The following NKAIN3 variants were observed in gnomAD, a reference collection of about 807,000 sequenced individuals.
NKAIN3 encodes the protein sodium/potassium-transporting ATPase subunit beta-1-interacting protein 3.
NKAIN3 carries 25 observed loss-of-function variants against 30.2 expected under a neutral mutation model. The ratio of observed to expected loss-of-function variants is 0.83; its 90% CI spans 0.60 to 1.16. The LOEUF (loss-of-function observed/expected upper bound fraction) is 1.16, where lower values mean the gene tolerates loss of function less well. Ranked by LOEUF, NKAIN3 falls within the 50% of genes most tolerant of loss-of-function variation. The probability of loss-of-function intolerance (pLI) is 0.00; values close to 1 mark genes in which losing one functional copy is unlikely to be tolerated. For synonymous variants in NKAIN3, 91 were observed against 89.6 expected, an observed-to-expected ratio of 1.02 and a Z score of -0.09; for missense variants, 225 against 254.1, an observed-to-expected ratio of 0.89 and a Z score of 0.78.
In NKAIN3 at chr8:62,637,367, A is replaced by G. The variant is rs534474671; in HGVS notation, c.273+47573A>G. The stretch of plus-strand genomic sequence containing the variant: ...TTCCTATCTCTGCAAACCTTGCTGG[A>G]CCAGGTGGTTTTGCTCTTTTCTGGC... On this transcript the variant is annotated intron_variant, in intron 3 of 6. Coordinates refer to ENST00000623646, the MANE Select transcript of NKAIN3 (RefSeq NM_001304533.3). 3.3e-5 allele frequency among the ~76,000 whole-genome samples: 5 copies of G among 152,306 alleles called. 1 individual carries two copies. The South Asian group carries it at 1.0e-3, about 32-fold the overall frequency.
At chr8:62,762,206 C>T (rs749163501) in intron 4 of NKAIN3, among the ~76,000 whole-genome samples, 28 of 151,780 alleles carry the variant, frequency 1.8e-4, no homozygotes, top group Non-Finnish European at 3.5e-4. Flanking sequence ...ATCCCAGCTA[C>T]CTGGGAGGCT....
intron 4 of NKAIN3, among the ~76,000 whole-genome samples, chr8:62,833,317 A>G (rs1819255370): frequency 6.6e-6 from 1 of 152,054 alleles, no homozygotes; most frequent in African/African-American, 2.4e-5. Context: ...AAGAAAATGA[A>G]TAACCAAAAT....
At chr8:62,424,603 T>C (rs566944105) in intron 1 of NKAIN3, among the ~76,000 whole-genome samples, 4 of 151,788 alleles carry the variant, frequency 2.6e-5, no homozygotes, top group African/African-American at 9.6e-5. Flanking sequence ...ACAAAAAATA[T>C]TATCTCACAC....
rs372040196 is a variant in NKAIN3 at position 62,521,713 on chromosome 8, TC to T, written c.55-57823del. Among the ~76,000 whole-genome samples, 366 of 152,258 alleles carry T rather than the reference TC, an allele frequency of 2.4e-3. 1 individual carries two copies. The highest frequency in any genetic ancestry group is 0.01 in the Middle Eastern group (3 of 294). Reference sequence around the variant, plus strand: ...GCATCTGGCTCTCTACAATATTGTTTCCCATTTACTTCTGAAGATTCATTAA... The same window carrying T: ...GCATCTGGCTCTCTACAATATTGTTTCCATTTACTTCTGAAGATTCATTAA... On this transcript the variant is annotated intron_variant, in intron 1 of 6. Coordinates refer to ENST00000623646, the MANE Select transcript of NKAIN3 (RefSeq NM_001304533.3).
At chr8:62,918,633 T>C (rs1822179007) in intron 5 of NKAIN3, 120 bp downstream of exon 5, 3 of 710,778 alleles carry the variant, frequency 4.2e-6, no homozygotes, top group Non-Finnish European at 7.2e-6. Context: ...ATGATTGAAC[T>C]CAGCACACTA....
chr8:62,806,093 A>G (rs1818270098), intron 4 of NKAIN3, among the ~76,000 whole-genome samples: 1 of 152,212 alleles, frequency 6.6e-6, no homozygotes, highest in Admixed American at 6.5e-5. Context: ...GCAAATCAAA[A>G]CCACAATGAG....
intron 1 of NKAIN3, among the ~76,000 whole-genome samples, chr8:62,570,209 C>T (rs1809887880): frequency 6.6e-6 from 1 of 152,060 alleles, no homozygotes; most frequent in African/African-American, 2.4e-5. Context: ...TGGGCAGATG[C>T]TTATCCTATA....
At chr8:62,424,817 T>C (rs1016063322) in intron 1 of NKAIN3, among the ~76,000 whole-genome samples, 2 of 151,896 alleles carry the variant, frequency 1.3e-5, no homozygotes, top group African/African-American at 4.8e-5. Flanking sequence ...AGAACTGAAA[T>C]TGGAATCTTG....
In NKAIN3 at chr8:62,784,013, C is replaced by A. The variant is rs937074408; in HGVS notation, c.471+36884C>A. 1.3e-4 allele frequency among the ~76,000 whole-genome samples: 19 copies of A among 151,904 alleles called. 1 individual carries two copies. ...ACAGACCAAATGACAGGCTGTAAAACAAGTCTCAATAAATTTTAAAGGATT... is the reference window on the plus strand; with the variant it reads ...ACAGACCAAATGACAGGCTGTAAAAAAAGTCTCAATAAATTTTAAAGGATT... On this transcript the variant is annotated intron_variant, in intron 4 of 6. Coordinates refer to ENST00000623646, the MANE Select transcript of NKAIN3 (RefSeq NM_001304533.3).
chr8:62,840,885 T>A (rs574873703), intron 4 of NKAIN3, among the ~76,000 whole-genome samples: 6 of 152,106 alleles, frequency 3.9e-5, no homozygotes, highest in Non-Finnish European at 7.4e-5. Flanking sequence ...CAGCAGTGCA[T>A]CATCATGGCA....
intron 1 of NKAIN3, among the ~76,000 whole-genome samples, chr8:62,372,577 A>T (rs773873723): frequency 2.0e-5 from 3 of 152,060 alleles, no homozygotes; most frequent in Non-Finnish European, 4.4e-5. Flanking sequence ...GAAACAATAG[A>T]TGTTATTTAA....
chr8:62,867,741 G>A (rs987798336), intron 4 of NKAIN3, among the ~76,000 whole-genome samples: 15 of 152,036 alleles, frequency 9.9e-5, no homozygotes, highest in Admixed American at 4.6e-4. Context: ...ATAGCCTAGC[G>A]TTTAACCGAT....
intron 4 of NKAIN3, among the ~76,000 whole-genome samples, chr8:62,805,017 A>G (rs1036771125): frequency 2.6e-5 from 4 of 152,328 alleles, no homozygotes; most frequent in African/African-American, 7.2e-5. Flanking sequence ...ACAGACAAAC[A>G]TAGAGCCAAA....
At chr8:62,393,652 G>A (rs1198047340) in intron 1 of NKAIN3, among the ~76,000 whole-genome samples, 1 of 151,876 alleles carries the variant, frequency 6.6e-6, no homozygotes, top group Non-Finnish European at 1.5e-5. Context: ...CTAGGATTTT[G>A]ATTCTGAATG....
At position 62,863,253 on chromosome 8, in the gene NKAIN3, G is replaced by A. The variant is rs1563599498; in HGVS notation, c.472-55200G>A. ...GTTTATTTTTCAGTTTTTTCTTTTT[G>A]TTTTTAGATATTTTTCCTATAGGTT... On this transcript the variant is annotated intron_variant, in intron 4 of 6. Coordinates refer to ENST00000623646, the MANE Select transcript of NKAIN3 (RefSeq NM_001304533.3). 1.9e-6 allele frequency: 3 copies of A among 1,566,470 alleles called. No individual in the cohort carries two copies. The Admixed American group carries it at 5.4e-5, about 28-fold the overall frequency.
chr8:62,816,594 C>T (rs879838128), intron 4 of NKAIN3, among the ~76,000 whole-genome samples: 4 of 152,118 alleles, frequency 2.6e-5, no homozygotes, highest in Non-Finnish European at 5.9e-5. Flanking sequence ...TGGGGGAAGC[C>T]TCCCCACTAT....
At chr8:62,820,054 G>A (rs1469847936) in intron 4 of NKAIN3, among the ~76,000 whole-genome samples, 3 of 152,140 alleles carry the variant, frequency 2.0e-5, no homozygotes. Context: ...TGGGGACAGT[G>A]AGGATATGAA....
intron 3 of NKAIN3, among the ~76,000 whole-genome samples, chr8:62,731,799 C>G (rs1327233909): frequency 6.6e-6 from 1 of 152,158 alleles, no homozygotes; most frequent in Non-Finnish European, 1.5e-5. Flanking sequence ...GAGATCAGAT[C>G]CAGTTTCTTT....
In NKAIN3 at chr8:62,870,366, C is replaced by T. The variant is rs893993218; in HGVS notation, c.472-48087C>T. ...TATATACACAAAATATATGCATATA[C>T]TAAATATATACACTATATATGTACA... On this transcript the variant is annotated intron_variant, in intron 4 of 6. Coordinates refer to ENST00000623646, the MANE Select transcript of NKAIN3 (RefSeq NM_001304533.3). Among the ~76,000 whole-genome samples the T allele has an allele frequency of 2.3e-3, 304 of 132,752 alleles. 2 individuals carry two copies. The highest frequency in any genetic ancestry group is 4.0e-3 in the Non-Finnish European group (259 of 64,670). 87.1% of individuals were successfully genotyped at this position (132,752 alleles called of 152,430 possible).
Sources: allele counts gnomAD v4.1 joint callset (sites outside exome capture counted in the v4.1 genomes callset), GRCh38; gene constraint gnomAD v4.1.1; transcripts MANE v1.5; gene names NCBI Gene and HGNC (gene_info 2026-07-23, HGNC 2026-07-21).